Variants in SLC35F4 observed in about 807,000 individuals in gnomAD.
The protein encoded by SLC35F4 is solute carrier family 35 member F4.
A neutral mutation model predicts 44.2 loss-of-function variants in SLC35F4; 24 were observed. The ratio of observed to expected loss-of-function variants is 0.54; its 90% CI spans 0.39 to 0.76. The LOEUF (loss-of-function observed/expected upper bound fraction) is 0.76, where lower values mean the gene tolerates loss of function less well. Among genes scored for constraint, SLC35F4 ranks in the 30% least tolerant of loss-of-function variants. SLC35F4 has a pLI of 0.00. For synonymous variants in SLC35F4, 238 were observed against 223.6 expected (o/e 1.06, Z -0.57); for missense variants, 562 against 586.1 (o/e 0.96, Z 0.42).
chr14:57,759,996 G>C (rs2077087542), intron 1 of SLC35F4, among the ~76,000 whole-genome samples: 1 of 149,122 alleles, frequency 6.7e-6, no homozygotes, highest in African/African-American at 2.5e-5. Flanking sequence ...TTTTTACTCT[G>C]TTCATTGTTT....
At chr14:57,792,190 C>T (rs1423817792) in intron 1 of SLC35F4, among the ~76,000 whole-genome samples, 1 of 151,880 alleles carries the variant, frequency 6.6e-6, no homozygotes, top group Non-Finnish European at 1.5e-5. Flanking sequence ...CAGGGAAATG[C>T]AAATCAAAAT....
intron 1 of SLC35F4, among the ~76,000 whole-genome samples, chr14:57,721,319 G>T (rs1158940246): frequency 6.6e-6 from 1 of 152,050 alleles, no homozygotes; most frequent in Non-Finnish European, 1.5e-5. Context: ...TGAGAGGCAA[G>T]GAATTTAGTG....
intron 1 of SLC35F4, among the ~76,000 whole-genome samples, chr14:57,618,669 C>G (rs575803585): frequency 6.6e-6 from 1 of 152,186 alleles, no homozygotes; most frequent in African/African-American, 2.4e-5. Flanking sequence ...CCAGGGGCAC[C>G]TGCAATGCCA....
intron 1 of SLC35F4, among the ~76,000 whole-genome samples, chr14:57,823,035 C>G (rs191378644): frequency 1.1e-3 from 160 of 152,266 alleles, no homozygotes; most frequent in African/African-American, 3.6e-3. Context: ...GCTGCCTATT[C>G]AGTGGCCAGA....
At chr14:57,724,847 G>A (rs2076164764) in intron 1 of SLC35F4, among the ~76,000 whole-genome samples, 1 of 152,166 alleles carries the variant, frequency 6.6e-6, no homozygotes, top group Non-Finnish European at 1.5e-5. Flanking sequence ...CTTCCCAGTG[G>A]GCAGAACTTT....
chr14:57,740,955 T>C (rs2076590987), intron 1 of SLC35F4, among the ~76,000 whole-genome samples: 1 of 152,106 alleles, frequency 6.6e-6, no homozygotes, highest in Admixed American at 6.5e-5. Flanking sequence ...CCGCTGGTGA[T>C]ACCCAGGCAA....
intron 1 of SLC35F4, among the ~76,000 whole-genome samples, chr14:57,714,267 C>CT (rs1157836072): frequency 6.6e-6 from 1 of 152,198 alleles, no homozygotes; most frequent in Non-Finnish European, 1.5e-5. Context: ...TGCATCCACT[C>CT]TTTAAGCCAG....
rs190784576 is a variant in SLC35F4, at chr14:57,795,377, C to G, written c.103+70346G>C. The stretch of plus-strand genomic sequence containing the variant: ...TGAAAAGACTTCACTTATTTAGGAA[C>G]CATTCACTAAGAACCTAATGTGCAT... On this transcript the variant is annotated intron_variant, in intron 1 of 7. Transcript: ENST00000556826. 2.0e-5 allele frequency among the ~76,000 whole-genome samples: 3 copies of G among 152,150 alleles called. 1 individual carries two copies. The highest frequency in any genetic ancestry group is 2.0e-4 in the Admixed American group (3 of 15,262).
In SLC35F4 at chr14:57,721,032, C is replaced by CAT. The variant is rs3062934; in HGVS notation, c.104-126910_104-126909dup. On this transcript the variant is annotated intron_variant, in intron 1 of 7. Coordinates refer to ENST00000556826, the MANE Select transcript of SLC35F4 (RefSeq NM_001306087.2). ...TATATATATGAGTTAATAAACTCCTCATATATATATATATATCTCCTATTA... is the reference window on the plus strand; with the variant it reads ...TATATATATGAGTTAATAAACTCCTCATATATATATATATATATCTCCTATTA... Among the ~76,000 whole-genome samples the CAT allele has an allele frequency of 2.1e-3, 249 of 118,564 alleles. 1 individual carries two copies. The highest frequency in any genetic ancestry group is 9.3e-3 in the East Asian group (35 of 3,748). 77.8% of individuals were successfully genotyped at this position (118,564 alleles called of 152,430 possible).
chr14:57,868,478 ATT>A (rs35866620), upstream of SLC35F4, among the ~76,000 whole-genome samples: 179 of 145,820 alleles, frequency 1.2e-3, no homozygotes, highest in African/African-American at 3.9e-3. Context: ...AGAAAGGATA[ATT>A]TTTTTTTTTT....
intron 1 of SLC35F4, among the ~76,000 whole-genome samples, chr14:57,742,219 A>G (rs1021261499): frequency 9.9e-5 from 15 of 152,252 alleles, no homozygotes; most frequent in Admixed American, 2.0e-4. Flanking sequence ...ATTCACACAT[A>G]ACAGTATTAA....
chr14:57,861,028 G>A (rs1174831500), intron 1 of SLC35F4, among the ~76,000 whole-genome samples: 5 of 152,114 alleles, frequency 3.3e-5, no homozygotes, highest in Admixed American at 2.0e-4. Flanking sequence ...TAATGAATGA[G>A]CCAACCTACT....
At chr14:57,771,648 C>T (rs1344460695) in intron 1 of SLC35F4, among the ~76,000 whole-genome samples, 3 of 152,296 alleles carry the variant, frequency 2.0e-5, no homozygotes, top group African/African-American at 7.2e-5. Flanking sequence ...GGCTGGAGTG[C>T]AGTGGTGTGA....
chr14:57,811,716 G>A (rs966013383), intron 1 of SLC35F4, among the ~76,000 whole-genome samples: 4 of 152,196 alleles, frequency 2.6e-5, no homozygotes, highest in Non-Finnish European at 2.9e-5. Context: ...CAAGGCAAGC[G>A]ACAGTCAAGT....
chr14:57,838,873 G>A (rs1208259197), intron 1 of SLC35F4, among the ~76,000 whole-genome samples: 1 of 152,102 alleles, frequency 6.6e-6, no homozygotes, highest in Admixed American at 6.6e-5. Context: ...AGTCCATATG[G>A]CTGGAATAGA....
intron 4 of SLC35F4, among the ~76,000 whole-genome samples, chr14:57,572,649 A>T (rs1449043578): frequency 1.3e-5 from 2 of 152,244 alleles, no homozygotes; most frequent in African/African-American, 4.8e-5. Flanking sequence ...CATGAAAATT[A>T]ATTCAGTTTT....
rs560603594 is a variant in SLC35F4 at position 57,773,316 on chromosome 14, T to A, written c.103+92407A>T. 2.0e-4 allele frequency among the ~76,000 whole-genome samples: 30 copies of A among 152,354 alleles called. No homozygotes were observed. The South Asian group carries it at 6.0e-3, about 30-fold the overall frequency. ...GTGCTATGCAGATGTACTGTACACA[T>A]ATACATAACTCACCAACTCTACAAG... On this transcript the variant is annotated intron_variant, in intron 1 of 7. Transcript: ENST00000556826.
chr14:57,934,176 CATT>C (rs1447099983), intron 1 of SLC35F4, among the ~76,000 whole-genome samples: 1 of 151,488 alleles, frequency 6.6e-6, no homozygotes, highest in African/African-American at 2.4e-5. Flanking sequence ...AAAATTCCAA[CATT>C]TTTTGTTCTT....
At chr14:57,763,601 C>T (rs1193417797) in intron 1 of SLC35F4, among the ~76,000 whole-genome samples, 2 of 152,106 alleles carry the variant, frequency 1.3e-5, no homozygotes, top group African/African-American at 4.8e-5. Flanking sequence ...CTAGAAAGAA[C>T]TTAAAGTGGT....
Sources: allele counts gnomAD v4.1 joint callset (sites outside exome capture counted in the v4.1 genomes callset), GRCh38; gene constraint gnomAD v4.1.1; transcripts MANE v1.5; gene names NCBI Gene and HGNC (gene_info 2026-07-23, HGNC 2026-07-21).